The following MAP3K19 variants were observed in gnomAD, a reference collection of about 807,000 sequenced individuals.
The protein encoded by MAP3K19 is mitogen-activated protein kinase kinase kinase 19, also known as SPS1/STE20-related protein kinase YSK4.
MAP3K19 carries 91 observed loss-of-function variants against 114.4 expected under a neutral mutation model. The ratio of observed to expected loss-of-function variants is 0.80; its 90% confidence interval spans 0.67 to 0.95. The LOEUF (loss-of-function observed/expected upper bound fraction) is 0.95. MAP3K19 is among the 40% of genes least tolerant of loss of function. The probability of loss-of-function intolerance (pLI) is 0.00; values close to 1 mark genes in which losing one functional copy is unlikely to be tolerated. For missense variants in MAP3K19, 1,471 were observed against 1,573.2 expected (o/e 0.94, Z 1.10); for synonymous variants, 518 against 530.5 (o/e 0.98, Z 0.32).
At chr2:135,038,571 A>T (rs894494139) in intron 2 of MAP3K19, among the ~76,000 whole-genome samples, 1 of 152,086 alleles carries the variant, frequency 6.6e-6, no homozygotes, top group Non-Finnish European at 1.5e-5. Flanking sequence ...TATATGCCAC[A>T]ATACAGGCAC....
intron 1 of MAP3K19, among the ~76,000 whole-genome samples, chr2:135,046,575 C>G (rs552189334): frequency 6.6e-6 from 1 of 152,192 alleles, no homozygotes; most frequent in Non-Finnish European, 1.5e-5. Context: ...CATGCCCGCC[C>G]CATTTAGAAC....
intron 2 of MAP3K19, among the ~76,000 whole-genome samples, chr2:135,037,973 C>G (rs986180121): frequency 6.6e-6 from 1 of 152,068 alleles, no homozygotes; most frequent in Admixed American, 6.5e-5. Flanking sequence ...AATTCTGGCA[C>G]GCTAACTCAT....
intron 12 of MAP3K19, among the ~76,000 whole-genome samples, chr2:134,968,063 C>CTTT: frequency 1.3e-5 from 2 of 152,078 alleles, no homozygotes; most frequent in East Asian, 3.9e-4. Context: ...TGATGACTCC[C>CTTT]AACGAGCATG....
At chr2:134,982,233 C>T (rs1684731353) in intron 11 of MAP3K19, among the ~76,000 whole-genome samples, 2 of 150,830 alleles carry the variant, frequency 1.3e-5, no homozygotes, top group African/African-American at 4.9e-5. Context: ...ATCCTCCTGC[C>T]TCAGTGTCCT....
At chr2:135,007,121 C>A (rs142980552) in intron 5 of MAP3K19, among the ~76,000 whole-genome samples, 32 of 151,698 alleles carry the variant, frequency 2.1e-4, no homozygotes, top group African/African-American at 7.5e-4. Context: ...GCCATGATTG[C>A]ACCACTGCAC....
intron 8 of MAP3K19, 144 bp downstream of exon 8, chr2:134,998,594 C>G: frequency 1.2e-6 from 1 of 800,804 alleles, no homozygotes; most frequent in Non-Finnish European, 1.9e-6. Flanking sequence ...CCCATGACCC[C>G]CAGGAATGTA....
At chr2:135,005,984 A>G (rs775502701) in intron 5 of MAP3K19, among the ~76,000 whole-genome samples, 5 of 152,164 alleles carry the variant, frequency 3.3e-5, no homozygotes, top group Non-Finnish European at 5.9e-5. Context: ...GAAGCTACAG[A>G]TATAACCCTA....
At position 134,980,890 on chromosome 2, in the gene MAP3K19, C is replaced by T; in HGVS notation, c.3851G>A (p.Gly1284Glu). Residue 1284 changes from glycine (G) to glutamate (E), a missense_variant, in exon 12 of 13, where the codon GGG (glycine) becomes GAG (glutamate). Transcript: ENST00000392915. The part of the protein sequence containing the change: ...AAMFYIGAHR[G>E]LMPPLPDHFS... ...GTGGTCTGGTAAAGGAGGCATCAGCCCTCGGTGTGCTCCGATGTAAAACAT... is the reference window on the plus strand; with the variant it reads ...GTGGTCTGGTAAAGGAGGCATCAGCTCTCGGTGTGCTCCGATGTAAAACAT... The T allele has an allele frequency of 6.2e-7, 1 of 1,614,194 alleles. No homozygotes were observed. The highest frequency in any genetic ancestry group is 8.5e-7 in the Non-Finnish European group (1 of 1,180,044).
At chr2:135,017,100 T>C (rs1687625698) in intron 5 of MAP3K19, among the ~76,000 whole-genome samples, 1 of 152,204 alleles carries the variant, frequency 6.6e-6, no homozygotes, top group Non-Finnish European at 1.5e-5. Context: ...GAGGCTTTCC[T>C]CAAATACCTG....
chr2:135,008,694 T>C (rs1222078891), intron 5 of MAP3K19, among the ~76,000 whole-genome samples: 1 of 152,200 alleles, frequency 6.6e-6, no homozygotes, highest in Admixed American at 6.5e-5. Flanking sequence ...TGCTATATCA[T>C]ATCTTCTCCC....
chr2:134,997,759 C>T (rs573755255), intron 8 of MAP3K19, among the ~76,000 whole-genome samples: 66 of 145,794 alleles, frequency 4.5e-4, no homozygotes, highest in Admixed American at 2.5e-3. Flanking sequence ...GCAGAGGTTG[C>T]GGTGAGCTGA....
In MAP3K19 at chr2:134,987,355, T is replaced by C; in HGVS notation, c.1517A>G (p.Gln506Arg). ...GTTATGAATGGTTCCCTTTCTTGTT[T>C]GGAGGCTTGGTTTGGCTATCACTGG... ...KEPVIAKPSL[Q>R]TRKGTIHNNH... Residue 506 changes from glutamine to arginine, a missense_variant, in exon 10 of 13, where the codon CAA becomes CGA. By Grantham distance (43) the Gln-to-Arg change is conservative. Transcript: ENST00000392915. The C allele has an allele frequency of 6.2e-7, 1 of 1,614,214 alleles. No homozygotes were observed. The highest frequency in any genetic ancestry group is 8.5e-7 in the Non-Finnish European group (1 of 1,180,028).
At chr2:134,969,131 C>T (rs1405167275) in intron 12 of MAP3K19, among the ~76,000 whole-genome samples, 1 of 152,204 alleles carries the variant, frequency 6.6e-6, no homozygotes, top group East Asian at 1.9e-4. Flanking sequence ...GCGGATCACT[C>T]GCGGTTAGGA....
chr2:134,977,651 C>G lies in MAP3K19; in HGVS notation c.3920+3170G>C, dbSNP rs139437050. On this transcript the variant is annotated intron_variant, in intron 12 of 12. Coordinates refer to ENST00000392915, the MANE Select transcript of MAP3K19 (RefSeq NM_025052.5). The stretch of plus-strand genomic sequence containing the variant: ...TGCTGGGATTACTGGCGTGAGCCAC[C>G]GCGCCCGGCTAATTTTTAAATTTTT... 6.6e-5 allele frequency among the ~76,000 whole-genome samples: 10 copies of G among 152,006 alleles called. No homozygotes were observed. In the East Asian group the frequency reaches 1.6e-3, roughly 24 times the overall value.
intron 5 of MAP3K19, among the ~76,000 whole-genome samples, chr2:135,010,935 A>G (rs1687175865): frequency 6.6e-6 from 1 of 152,148 alleles, no homozygotes; most frequent in African/African-American, 2.4e-5. Flanking sequence ...CCAGCCTATG[A>G]TAAAATTTTG....
chr2:135,034,846 GGGGAGGGGGA>G (rs1688492550), intron 2 of MAP3K19, among the ~76,000 whole-genome samples: 1 of 81,348 alleles, frequency 1.2e-5, no homozygotes, highest in African/African-American at 4.1e-5. Context: ...GGAGGGGGAG[GGGGAGGGGGA>G]GGGGGAGAGG....
chr2:134,974,362 A>C (rs1338747123), intron 12 of MAP3K19, among the ~76,000 whole-genome samples: 2 of 152,050 alleles, frequency 1.3e-5, no homozygotes, highest in Non-Finnish European at 2.9e-5. Flanking sequence ...TGATAAATCC[A>C]CTGTTAGTCT....
intron 12 of MAP3K19, among the ~76,000 whole-genome samples, chr2:134,975,492 A>G (rs1684174924): frequency 6.6e-6 from 1 of 152,124 alleles, no homozygotes; most frequent in East Asian, 1.9e-4. Context: ...CAGGCCCTCC[A>G]GTGGTACACG....
chr2:135,017,560 C>T (rs7581382), intron 5 of MAP3K19, among the ~76,000 whole-genome samples: 131,694 of 152,178 alleles, frequency 0.87, 57,667 homozygotes, highest in East Asian at 1. Flanking sequence ...TGTAGTTACA[C>T]AGAGTGGAAG....
Sources: gnomAD v4.1 joint callset for allele counts (sites outside exome capture counted in the v4.1 genomes callset) on GRCh38, gnomAD v4.1.1 for gene constraint, MANE v1.5 for transcripts, NCBI Gene and HGNC (gene_info 2026-07-23, HGNC 2026-07-21) for gene names.